Variants in SNHG17 observed in about 807,000 individuals in gnomAD.
SNHG17 encodes the protein small nucleolar RNA host gene 17 (non-protein coding).
At chr20:38,434,018 C>A (rs1443379995) in intron 2 of SNHG17, 2 of 517,842 alleles carry the variant, frequency 3.9e-6, no homozygotes, top group Non-Finnish European at 7.7e-6. Flanking sequence ...GGCAGGTGAG[C>A]CCACGTCAGC....
intron 2 of SNHG17, among the ~76,000 whole-genome samples, chr20:38,433,333 C>T (rs1270954705): frequency 6.6e-6 from 1 of 152,114 alleles, no homozygotes; most frequent in Non-Finnish European, 1.5e-5. Context: ...TACCAAGCAC[C>T]AGGTAAGTCA....
intron 2 of SNHG17, chr20:38,434,076 G>A: frequency 2.0e-6 from 1 of 492,368 alleles, no homozygotes. Flanking sequence ...CCAGGGAAGA[G>A]AAGGGTACCC....
chr20:38,424,470 T>C (rs895577001), intron 5 of SNHG17, among the ~76,000 whole-genome samples: 3 of 152,220 alleles, frequency 2.0e-5, no homozygotes, highest in Admixed American at 6.5e-5. Context: ...GAAGGTGGAC[T>C]GTAACAGCTG....
chr20:38,435,076 G>C lies in SNHG17; in HGVS notation n.185+121C>G, dbSNP rs953662691. The stretch of plus-strand genomic sequence containing the variant: ...CGCGAATCCTGGGGGGCTCACTCCG[G>C]CAAAGAGGACGAGACACTGCACCAA... On this transcript the variant is annotated intron_variant and non_coding_transcript_variant, in intron 1 of 8. Transcript: ENST00000654008. 18 of 1,231,954 alleles carry C rather than the reference G, an allele frequency of 1.5e-5. No individual in the cohort carries two copies. The African/African-American group carries it at 2.8e-4, about 19-fold the overall frequency. The allele number at this position is 1,231,954 out of a possible 1,614,324, so 76.3% of individuals were successfully genotyped here. A position where few individuals can be genotyped will look rare whatever the true frequency, so the allele number is the denominator to read the frequency against.
chr20:38,433,760 C>A (rs948950438), intron 2 of SNHG17: 36 of 512,420 alleles, frequency 7.0e-5, no homozygotes, highest in Admixed American at 3.1e-4. Flanking sequence ...CCCTCATAGA[C>A]CCTGGTGAAC....
intron 5 of SNHG17, chr20:38,425,863 G>A (rs1165338421): frequency 6.5e-6 from 1 of 153,194 alleles, no homozygotes; most frequent in African/African-American, 2.4e-5. Context: ...TTCAAAACGA[G>A]CCCAAGCAAC....
At chr20:38,435,283 G>A (rs2084412982) in exon 1 of SNHG17, 8 of 1,231,752 alleles carry the variant, frequency 6.5e-6, no homozygotes, top group East Asian at 3.2e-5. Flanking sequence ...GAGATGGGGT[G>A]CGGTGGCGTG....
intron 3 of SNHG17, among the ~76,000 whole-genome samples, chr20:38,426,776 T>C: frequency 6.6e-6 from 1 of 150,626 alleles, no homozygotes; most frequent in East Asian, 2.0e-4. Context: ...TGGTGGCCAG[T>C]GAGTGACACC....
chr20:38,423,550 T>TAA (rs34484602), intron 5 of SNHG17, among the ~76,000 whole-genome samples: 153 of 125,030 alleles, frequency 1.2e-3, no homozygotes, highest in African/African-American at 3.2e-3. Context: ...TGTGCAATGT[T>TAA]AAAAAAAAAA....
intron 3 of SNHG17, chr20:38,430,840 G>A (rs1312433592): frequency 6.6e-6 from 1 of 152,270 alleles, no homozygotes. Flanking sequence ...TCAAGCTCAG[G>A]GAGCACCTTC....
At chr20:38,429,877 G>T in intron 3 of SNHG17, 1 of 486,410 alleles carries the variant, frequency 2.1e-6, no homozygotes, top group Non-Finnish European at 4.0e-6. Context: ...ACCTGGAACA[G>T]AACAGCTGAC....
chr20:38,425,377 A>C, intron 5 of SNHG17: 2 of 505,716 alleles, frequency 4.0e-6, no homozygotes, highest in South Asian at 2.8e-5. Flanking sequence ...CACTGACAGC[A>C]GCTTAGGAAG....
intron 5 of SNHG17, among the ~76,000 whole-genome samples, chr20:38,423,297 T>C (rs1420771294): frequency 1.3e-5 from 2 of 149,318 alleles, no homozygotes; most frequent in African/African-American, 4.9e-5. Flanking sequence ...CTCAGGGAAA[T>C]GAGGTGGGAG....
chr20:38,426,939 G>A (rs548960343), intron 3 of SNHG17, among the ~76,000 whole-genome samples: 1 of 147,994 alleles, frequency 6.8e-6, no homozygotes, highest in East Asian at 2.0e-4. Context: ...CCTATTCCAG[G>A]CCAATGACAT....
chr20:38,420,866 G>GCCCC (rs1238495858), exon 8 of SNHG17: 2 of 152,154 alleles, frequency 1.3e-5, no homozygotes, highest in Non-Finnish European at 2.9e-5. Context: ...TCCATTCTCT[G>GCCCC]CCCCTCTCGT....
chr20:38,422,870 C>A (rs1273221823), intron 5 of SNHG17, among the ~76,000 whole-genome samples: 1 of 152,078 alleles, frequency 6.6e-6, no homozygotes, highest in African/African-American at 2.4e-5. Context: ...GTGGGTGGAT[C>A]ACTTGAGGTC....
At chr20:38,420,617 G>A (rs1455309495) in exon 8 of SNHG17, 1 of 152,178 alleles carries the variant, frequency 6.6e-6, no homozygotes, top group Non-Finnish European at 1.5e-5. Context: ...TTATTGAATG[G>A]GTGGGTAAAA....
chr20:38,427,433 G>A (rs1297009806), intron 3 of SNHG17: 1 of 516,514 alleles, frequency 1.9e-6, no homozygotes, highest in East Asian at 5.5e-5. Context: ...GATCACTTTC[G>A]GATGCAGGAG....
exon 1 of SNHG17, chr20:38,435,328 T>G: frequency 1.9e-5 from 24 of 1,231,090 alleles, no homozygotes; most frequent in Non-Finnish European, 2.3e-5. Context: ...GGCGAAGGAC[T>G]GAGGCCACAC....
Sources: allele counts gnomAD v4.1 joint callset (sites outside exome capture counted in the v4.1 genomes callset), GRCh38; gene constraint gnomAD v4.1.1; transcripts MANE v1.5; gene names NCBI Gene and HGNC (gene_info 2026-07-23, HGNC 2026-07-21).